TUBB8: variants seen among roughly 807,000 people sequenced by gnomAD.
TUBB8 encodes the protein tubulin beta-8 chain.
In TUBB8, 25 loss-of-function variants were observed where a neutral mutation model predicts 33.7. The ratio of observed to expected loss-of-function variants is 0.74; its 90% CI spans 0.54 to 1.04. The LOEUF (loss-of-function observed/expected upper bound fraction) is 1.04. Among genes scored for constraint, TUBB8 ranks in the 50% least tolerant of loss-of-function variants. The probability of loss-of-function intolerance (pLI) is 0.00; values close to 1 mark genes in which losing one functional copy is unlikely to be tolerated. For synonymous variants in TUBB8, 245 were observed against 240.1 expected (o/e 1.02, Z -0.19); for missense variants, 279 against 608.0 (o/e 0.46, Z 5.69).
chr10:67,008 A>T (rs1554741689), intron 1 of TUBB8, among the ~76,000 whole-genome samples: 1 of 152,136 alleles, frequency 6.6e-6, no homozygotes, highest in African/African-American at 2.4e-5. Flanking sequence ...TCATAGAAAT[A>T]TGGGTTTATT....
intron 1 of TUBB8, among the ~76,000 whole-genome samples, chr10:59,087 C>G (rs367829151): frequency 3.3e-5 from 5 of 151,430 alleles, no homozygotes; most frequent in Non-Finnish European, 5.9e-5. Context: ...TTATTATGTT[C>G]AGATATGTTC....
chr10:76,208 G>GCCCCTGCCAGTC (rs370021850), upstream of TUBB8, among the ~76,000 whole-genome samples: 1 of 150,988 alleles, frequency 6.6e-6, no homozygotes, highest in East Asian at 1.9e-4. Flanking sequence ...TCAGGCTGTG[G>GCCCCTGCCAGTC]CCCCTGCCAG....
At chr10:64,047 A>G (rs371972550) in intron 1 of TUBB8, among the ~76,000 whole-genome samples, 53 of 142,660 alleles carry the variant, frequency 3.7e-4, no homozygotes, top group South Asian at 1.6e-3. Flanking sequence ...AAATTCTCTT[A>G]ATTTTTCAAG....
intron 1 of TUBB8, among the ~76,000 whole-genome samples, chr10:68,357 C>T (rs574258326): frequency 2.0e-4 from 31 of 152,234 alleles, no homozygotes; most frequent in Non-Finnish European, 4.4e-4. Flanking sequence ...ATGATGCACA[C>T]AATACAGATA....
chr10:62,492 G>C (rs1183869190), intron 1 of TUBB8, among the ~76,000 whole-genome samples: 1 of 152,142 alleles, frequency 6.6e-6, no homozygotes, highest in African/African-American at 2.4e-5. Flanking sequence ...TTTTTTACTG[G>C]TTTATTGTTT....
chr10:71,323 A>AG (rs1177558637), intron 1 of TUBB8, among the ~76,000 whole-genome samples: 1 of 148,380 alleles, frequency 6.7e-6, no homozygotes, highest in Non-Finnish European at 1.5e-5. Flanking sequence ...TCAAAAAAAA[A>AG]GAAAAAGAAA....
chr10:70,644 G>A (rs1369865398), intron 1 of TUBB8, among the ~76,000 whole-genome samples: 4 of 151,582 alleles, frequency 2.6e-5, no homozygotes, highest in East Asian at 2.0e-4. Context: ...GTTTGAGAAC[G>A]GCATGGCCAA....
chr10:67,015 T>C (rs1834679291), intron 1 of TUBB8, among the ~76,000 whole-genome samples: 1 of 152,234 alleles, frequency 6.6e-6, no homozygotes, highest in South Asian at 2.1e-4. Flanking sequence ...AATATGGGTT[T>C]ATTTCTGAAC....
intron 1 of TUBB8, among the ~76,000 whole-genome samples, chr10:55,661 G>GT (rs1389497985): frequency 6.6e-6 from 1 of 152,186 alleles, no homozygotes; most frequent in Non-Finnish European, 1.5e-5. Flanking sequence ...TTTGATTTTT[G>GT]TATGTGGCAA....
At chr10:49,015 C>T (rs1834421927) in intron 1 of TUBB8, 103 bp from the exon 2 acceptor site, 2 of 1,226,080 alleles carry the variant, frequency 1.6e-6, no homozygotes, top group East Asian at 2.6e-5. Flanking sequence ...CCCTAGGCCG[C>T]CCTGTCCCTG....
chr10:63,565 AT>A (rs1373550244), intron 1 of TUBB8, among the ~76,000 whole-genome samples: 6 of 152,112 alleles, frequency 3.9e-5, no homozygotes, highest in African/African-American at 9.7e-5. Flanking sequence ...TCCTTGATCA[AT>A]TTTTTTAAGT....
Position 47,459 on chromosome 10 carries a change from T to A in TUBB8, c.933A>T (p.Leu311=), listed in dbSNP as rs781821626. Residue 311 remains leucine, a synonymous_variant, in exon 4 of 4, where the codon CTA becomes CTT. Transcript: ENST00000568584. The part of the protein sequence containing the change: ...AACDPRHGRY[L]TAAAIFRGRM... ...GACCCCTGAAAATGGCAGCCGCCGTTAGGTAGCGGCCGTGACGGGGGTCAC... is the reference window on the plus strand; with the variant it reads ...GACCCCTGAAAATGGCAGCCGCCGTAAGGTAGCGGCCGTGACGGGGGTCAC... The A allele has an allele frequency of 6.2e-7, 1 of 1,612,344 alleles. No individual in the cohort carries two copies. Among genetic ancestry groups the A allele is most frequent in the East Asian group, 2.2e-5 (1 of 44,886 alleles).
chr10:48,400 G>A (rs1443412880), intron 3 of TUBB8: 5 of 641,886 alleles, frequency 7.8e-6, no homozygotes, highest in Non-Finnish European at 1.4e-5. Context: ...GTTCTTGCAG[G>A]GAGTTTACAT....
chr10:52,145 G>A (rs1234143502), upstream of TUBB8, among the ~76,000 whole-genome samples: 6 of 152,174 alleles, frequency 3.9e-5, no homozygotes, highest in Admixed American at 6.5e-5. Flanking sequence ...ACACCCCCAG[G>A]TCTCTACTTT....
intron 1 of TUBB8, among the ~76,000 whole-genome samples, chr10:61,451 C>G (rs1834600381): frequency 6.6e-6 from 1 of 151,986 alleles, no homozygotes; most frequent in South Asian, 2.1e-4. Flanking sequence ...CTAGTTTGTT[C>G]CATTGTGGTC....
chr10:46,991 A>C lies in TUBB8; in HGVS notation c.*66T>G. ...CACAAATTAACAAGCGTATAGTGACACATGGCTGTCAGAACACAGTAAAGA... is the reference window on the plus strand; with the variant it reads ...CACAAATTAACAAGCGTATAGTGACCCATGGCTGTCAGAACACAGTAAAGA... On this transcript the variant is annotated 3_prime_UTR_variant, in exon 4 of 4. Transcript: ENST00000568584. The C allele has an allele frequency of 3.2e-6, 2 of 625,134 alleles. No homozygotes were observed. The highest frequency in any genetic ancestry group is 2.8e-6 in the Non-Finnish European group (1 of 356,570). 38.7% of individuals were successfully genotyped at this position (625,134 alleles called of 1,614,324 possible). A position where few individuals can be genotyped will look rare whatever the true frequency, so the allele number is the denominator to read the frequency against.
chr10:69,012 A>G (rs1393741642), intron 1 of TUBB8, among the ~76,000 whole-genome samples: 5 of 152,220 alleles, frequency 3.3e-5, no homozygotes, highest in African/African-American at 7.2e-5. Flanking sequence ...CCTCAGCCCA[A>G]TGCTTGCTCT....
At chr10:58,149 GACA>G (rs1407086947) in intron 1 of TUBB8, among the ~76,000 whole-genome samples, 1 of 152,190 alleles carries the variant, frequency 6.6e-6, no homozygotes, top group Non-Finnish European at 1.5e-5. Context: ...ACTTTGCTAA[GACA>G]ACATGAATGA....
At chr10:62,881 T>C (rs1245277158) in intron 1 of TUBB8, among the ~76,000 whole-genome samples, 8 of 152,312 alleles carry the variant, frequency 5.3e-5, no homozygotes, top group East Asian at 1.9e-4. Flanking sequence ...CCACTGAATG[T>C]TATTTGTGTC....
Sources: allele counts gnomAD v4.1 joint callset (sites outside exome capture counted in the v4.1 genomes callset), GRCh38; gene constraint gnomAD v4.1.1; transcripts MANE v1.5; gene names NCBI Gene and HGNC (gene_info 2026-07-23, HGNC 2026-07-21).